Variants in ZNRF1 observed in about 807,000 individuals in gnomAD.
ZNRF1 encodes the protein zinc and ring finger 1.
In ZNRF1, 3 loss-of-function variants were observed where a neutral mutation model predicts 18.4. That is an observed-to-expected ratio of 0.16 (90% CI 0.07 to 0.42). ZNRF1 has a LOEUF of 0.42. ZNRF1 is among the 10% of genes least tolerant of loss of function. The pLI, the probability that ZNRF1 is intolerant of heterozygous loss-of-function variation, is 0.99. For synonymous variants in ZNRF1, 157 were observed against 144.2 expected (o/e 1.09, Z -0.64); for missense variants, 310 against 329.8 (o/e 0.94, Z 0.47).
intron 1 of ZNRF1, among the ~76,000 whole-genome samples, chr16:75,028,845 C>G (rs2035259730): frequency 6.6e-6 from 1 of 152,220 alleles, no homozygotes; most frequent in Non-Finnish European, 1.5e-5. Context: ...GAAACACTGT[C>G]TTCACTGCTT....
chr16:75,057,476 G>C (rs1294532991), intron 1 of ZNRF1, among the ~76,000 whole-genome samples: 1 of 152,134 alleles, frequency 6.6e-6, no homozygotes, highest in Non-Finnish European at 1.5e-5. Flanking sequence ...TGGTGTAGCA[G>C]AGTGACCAGA....
chr16:75,085,823 T>TGA (rs1175346752), intron 1 of ZNRF1, among the ~76,000 whole-genome samples: 3,294 of 88,952 alleles, frequency 0.037, 161 homozygotes, highest in African/African-American at 0.12. Flanking sequence ...AGAGAGTGAG[T>TGA]GTGTGTGTGT....
intron 1 of ZNRF1, among the ~76,000 whole-genome samples, chr16:75,045,587 A>G (rs2035504812): frequency 6.6e-6 from 1 of 152,134 alleles, no homozygotes; most frequent in African/African-American, 2.4e-5. Flanking sequence ...TTGTTTTTTA[A>G]GAGACAGGGT....
chr16:75,099,804 A>G (rs965176421), intron 2 of ZNRF1, among the ~76,000 whole-genome samples: 5 of 152,176 alleles, frequency 3.3e-5, no homozygotes, highest in Admixed American at 1.3e-4. Context: ...GACGGCAGGC[A>G]GCAGGTTCGT....
At chr16:75,079,068 A>G (rs1164059574) in intron 1 of ZNRF1, among the ~76,000 whole-genome samples, 1 of 152,214 alleles carries the variant, frequency 6.6e-6, no homozygotes, top group Non-Finnish European at 1.5e-5. Context: ...ACCAGAGGCA[A>G]AGAAAAGCAA....
At chr16:75,022,325 A>G (rs2035161714) in intron 1 of ZNRF1, among the ~76,000 whole-genome samples, 1 of 151,952 alleles carries the variant, frequency 6.6e-6, no homozygotes, top group South Asian at 2.1e-4. Context: ...GCACTTTGGG[A>G]GGCTGTGGCG....
chr16:75,013,625 G>A lies in ZNRF1; in HGVS notation c.424+13530G>A, dbSNP rs369687840. Among the ~76,000 whole-genome samples the A allele has an allele frequency of 9.2e-5, 14 of 152,240 alleles. 1 individual carries two copies. In the East Asian group the frequency reaches 2.5e-3, roughly 27 times the overall value. On this transcript the variant is annotated intron_variant, in intron 1 of 4. Coordinates refer to ENST00000335325, the MANE Select transcript of ZNRF1 (RefSeq NM_032268.5). ...CTCCCAGAGTGCTGGGATTACAGGC[G>A]TGAGCCACCGCGCCAGGCCTGTCCA...
intron 1 of ZNRF1, among the ~76,000 whole-genome samples, chr16:75,068,417 G>C (rs1227598666): frequency 6.6e-6 from 1 of 151,962 alleles, no homozygotes; most frequent in Non-Finnish European, 1.5e-5. Flanking sequence ...AGTTTGCGGG[G>C]GGCACAAGCA....
chr16:75,022,452 G>C (rs1248436264), intron 1 of ZNRF1, among the ~76,000 whole-genome samples: 1 of 151,384 alleles, frequency 6.6e-6, no homozygotes, highest in Non-Finnish European at 1.5e-5. Flanking sequence ...TGAAGTCCCA[G>C]CTACTCAGGA....
intron 1 of ZNRF1, among the ~76,000 whole-genome samples, chr16:75,048,273 A>T (rs1038269414): frequency 6.6e-6 from 1 of 152,022 alleles, no homozygotes; most frequent in Admixed American, 6.6e-5. Context: ...TCATATGAAC[A>T]CCAGTTATGT....
chr16:75,026,899 T>G (rs2035231667), intron 1 of ZNRF1, among the ~76,000 whole-genome samples: 1 of 146,860 alleles, frequency 6.8e-6, no homozygotes, highest in Non-Finnish European at 1.5e-5. Flanking sequence ...AATGAGACTG[T>G]CTCAAAAAAA....
At chr16:75,066,781 G>A (rs1026036511) in intron 1 of ZNRF1, among the ~76,000 whole-genome samples, 1 of 152,150 alleles carries the variant, frequency 6.6e-6, no homozygotes, top group African/African-American at 2.4e-5. Context: ...TAGGATTACA[G>A]ATGTGAGCCA....
chr16:75,034,978 T>C (rs1223434108), intron 1 of ZNRF1, among the ~76,000 whole-genome samples: 1 of 152,124 alleles, frequency 6.6e-6, no homozygotes, highest in African/African-American at 2.4e-5. Context: ...TGCTGGATCA[T>C]ATGGTAATTT....
Position 75,059,229 on chromosome 16 carries a change from C to CTTTTTTTTTTTTTTTTTTTTTTT in ZNRF1, c.425-34328_425-34327insTTTTTTTTTTTTTTTTTTTTTTT, listed in dbSNP as rs35291578. Reference sequence around the variant, plus strand: ...TCCTTCCTTCTTTCCTTCTTTCTTTCTTTTTTTTTTTTTTTCTTTTTTTTT... The same window carrying CTTTTTTTTTTTTTTTTTTTTTTT: ...TCCTTCCTTCTTTCCTTCTTTCTTTCTTTTTTTTTTTTTTTTTTTTTTTTTTTTTTTTTTTTTTCTTTTTTTTT... On this transcript the variant is annotated intron_variant, in intron 1 of 4. Coordinates refer to ENST00000335325, the MANE Select transcript of ZNRF1 (RefSeq NM_032268.5). Among the ~76,000 whole-genome samples the CTTTTTTTTTTTTTTTTTTTTTTT allele has an allele frequency of 1.8e-4, 17 of 92,878 alleles. 1 individual carries two copies. Among genetic ancestry groups the CTTTTTTTTTTTTTTTTTTTTTTT allele is most frequent in the South Asian group, 4.6e-4 (1 of 2,188 alleles). 60.9% of individuals were successfully genotyped at this position (92,878 alleles called of 152,430 possible).
intron 1 of ZNRF1, among the ~76,000 whole-genome samples, chr16:75,050,280 C>T (rs150130614): frequency 6.6e-6 from 1 of 152,174 alleles, no homozygotes; most frequent in Admixed American, 6.6e-5. Flanking sequence ...AATCCCGGCA[C>T]TTGGTGAGGT....
chr16:75,042,066 A>G (rs887847640), intron 1 of ZNRF1, among the ~76,000 whole-genome samples: 1 of 152,172 alleles, frequency 6.6e-6, no homozygotes, highest in African/African-American at 2.4e-5. Context: ...GGAAGGTCCA[A>G]TGATTTTCTG....
chr16:75,104,904 C>A lies in ZNRF1; in HGVS notation c.626+15C>A. ...TATCACAAAAGGTAGGAGGGGTTGG[C>A]AAGGTAGCTTAGTGCACCCCACCTC... On this transcript the variant is annotated intron_variant, in intron 3 of 4. Transcript: ENST00000335325. 1 of 1,579,402 alleles carries A rather than the reference C, an allele frequency of 6.3e-7. No individual in the cohort carries two copies. Among genetic ancestry groups the A allele is most frequent in the East Asian group, 2.3e-5 (1 of 43,896 alleles).
intron 1 of ZNRF1, among the ~76,000 whole-genome samples, chr16:75,027,084 A>G (rs953928298): frequency 6.6e-6 from 1 of 151,962 alleles, no homozygotes; most frequent in Non-Finnish European, 1.5e-5. Context: ...CGGTTAGGGA[A>G]CTCAGCCAGT....
chr16:75,085,371 T>C (rs1429663697), intron 1 of ZNRF1, among the ~76,000 whole-genome samples: 1 of 152,234 alleles, frequency 6.6e-6, no homozygotes. Flanking sequence ...CATTGCTTTT[T>C]ATAGCTGAGT....
Sources: allele counts gnomAD v4.1 joint callset (sites outside exome capture counted in the v4.1 genomes callset), GRCh38; gene constraint gnomAD v4.1.1; transcripts MANE v1.5; gene names NCBI Gene and HGNC (gene_info 2026-07-23, HGNC 2026-07-21).